Variants in ARHGAP32 observed in about 807,000 individuals in gnomAD.
The protein encoded by ARHGAP32 is Rho GTPase activating protein 32, also known as rho GTPase-activating protein 32.
ARHGAP32 carries 51 observed loss-of-function variants against 186.5 expected under a neutral mutation model. That is an observed-to-expected ratio of 0.27 (90% CI 0.22 to 0.35). The LOEUF (loss-of-function observed/expected upper bound fraction) is 0.35. Among genes scored for constraint, ARHGAP32 ranks in the 10% least tolerant of loss-of-function variants. The pLI is 1.00. For synonymous variants in ARHGAP32, 950 were observed against 964.3 expected (o/e 0.99, Z 0.27); for missense variants, 2,186 against 2,623.5 (o/e 0.83, Z 3.64).
At chr11:129,177,716 G>GGCAGAATTTT (rs1943951874) in intron 1 of ARHGAP32, among the ~76,000 whole-genome samples, 5 of 152,058 alleles carry the variant, frequency 3.3e-5, no homozygotes, top group Admixed American at 2.0e-4. Flanking sequence ...ATGCAGAAAA[G>GGCAGAATTTT]GCCTTTGACA....
At chr11:129,143,623 C>CACAAACTAGATGTTTATTTTGA (rs1313587610) in intron 2 of ARHGAP32, among the ~76,000 whole-genome samples, 8 of 151,986 alleles carry the variant, frequency 5.3e-5, no homozygotes, top group South Asian at 2.1e-4. Flanking sequence ...ATAATAGCCC[C>CACAAACTAGATGTTTATTTTGA]AAAGCACAAG....
In ARHGAP32 at chr11:128,991,237, T is replaced by C. The variant is rs924179550; in HGVS notation, c.1196-3112A>G. 2.6e-5 allele frequency among the ~76,000 whole-genome samples: 4 copies of C among 152,172 alleles called. No individual in the cohort carries two copies. In the East Asian group the frequency reaches 5.8e-4, roughly 22 times the overall value. ...CACACGTAATACTTCATGGCAAGCA[T>C]CTGAATCGTTTTCTTATATTTTGTG... is the stretch of plus-strand genomic sequence containing the variant. On this transcript the variant is annotated intron_variant, in intron 12 of 22. Coordinates refer to ENST00000682385, the MANE Select transcript of ARHGAP32 (RefSeq NM_001378024.1).
intron 1 of ARHGAP32, among the ~76,000 whole-genome samples, chr11:129,174,586 T>C (rs1796628540): frequency 6.6e-6 from 1 of 152,188 alleles, no homozygotes. Flanking sequence ...AGCACGCAGC[T>C]GGAGATCTGA....
chr11:129,275,703 G>C (rs1447298107), intron 1 of ARHGAP32, among the ~76,000 whole-genome samples: 1 of 152,124 alleles, frequency 6.6e-6, no homozygotes, highest in Non-Finnish European at 1.5e-5. Flanking sequence ...ACAGACCCAA[G>C]AATGAACGAC....
At position 128,974,939 on chromosome 11, in the gene ARHGAP32, A is replaced by C; in HGVS notation, c.2258T>G (p.Phe753Cys). Reference protein sequence around the residue: ...RSSSDALSASFNGEMLGNRCN... With the variant: ...RSSSDALSASCNGEMLGNRCN... ...GCGGTTCCCCAGCATTTCTCCATTA[A>C]AAGAGGCAGACAGTGCATCACTGGA... The change falls in exon 21 of 23, where the codon TTT (phenylalanine) becomes TGT (cysteine). Residue 753 changes from phenylalanine to cysteine, a missense_variant. By Grantham distance (205) the Phe-to-Cys change is radical (BLOSUM62 -2). Transcript: ENST00000682385. The C allele has an allele frequency of 6.2e-7, 1 of 1,614,022 alleles. No homozygotes were observed. The highest frequency in any genetic ancestry group is 8.5e-7 in the Non-Finnish European group (1 of 1,179,950).
intron 11 of ARHGAP32, among the ~76,000 whole-genome samples, chr11:129,021,467 G>GAGGA (rs1430713702): frequency 6.6e-6 from 1 of 151,992 alleles, no homozygotes; most frequent in Non-Finnish European, 1.5e-5. Context: ...GCCCTTCCTA[G>GAGGA]AGGAGTACAC....
intron 1 of ARHGAP32, among the ~76,000 whole-genome samples, chr11:129,272,776 C>T (rs1945487869): frequency 6.6e-6 from 1 of 152,204 alleles, no homozygotes; most frequent in Non-Finnish European, 1.5e-5. Flanking sequence ...GAAATGAGAT[C>T]CAGGCACAAA....
At chr11:129,213,309 TACTC>T (rs1363662010) in intron 1 of ARHGAP32, among the ~76,000 whole-genome samples, 10 of 152,036 alleles carry the variant, frequency 6.6e-5, no homozygotes, top group African/African-American at 2.2e-4. Context: ...ACCAGAAAAA[TACTC>T]AGGAGGTATT....
At chr11:129,045,502 T>C (rs1461689850) in intron 10 of ARHGAP32, among the ~76,000 whole-genome samples, 2 of 152,220 alleles carry the variant, frequency 1.3e-5, no homozygotes, top group Non-Finnish European at 2.9e-5. Context: ...ATTTTCATGA[T>C]AAAAAATTGT....
At chr11:129,138,115 C>G (rs1053426986) in intron 2 of ARHGAP32, among the ~76,000 whole-genome samples, 1 of 151,820 alleles carries the variant, frequency 6.6e-6, no homozygotes, top group African/African-American at 2.4e-5. Context: ...GCTGCCAAGA[C>G]AAACCAAATG....
intron 11 of ARHGAP32, among the ~76,000 whole-genome samples, chr11:129,000,350 A>G (rs1018277020): frequency 6.6e-5 from 10 of 152,366 alleles, no homozygotes; most frequent in Non-Finnish European, 1.3e-4. Flanking sequence ...TAATTATGCT[A>G]AAAGTCAACA....
chr11:129,193,571 T>TATATATATATTATATATA (rs1207552854), upstream of ARHGAP32, among the ~76,000 whole-genome samples: 226 of 12,286 alleles, frequency 0.018, 8 homozygotes, highest in Admixed American at 0.031. Context: ...TTATATATAA[T>TATATATATATTATATATA]ATATATATAT....
chr11:128,996,859 G>A (rs1409449897), intron 12 of ARHGAP32, among the ~76,000 whole-genome samples: 3 of 151,674 alleles, frequency 2.0e-5, no homozygotes, highest in East Asian at 1.9e-4. Context: ...TCAGCTTACC[G>A]ACCCCCACCT....
intron 6 of ARHGAP32, among the ~76,000 whole-genome samples, chr11:129,088,591 A>G (rs1941479234): frequency 6.6e-6 from 1 of 152,184 alleles, no homozygotes; most frequent in Non-Finnish European, 1.5e-5. Context: ...TCAATCAATC[A>G]ATCAATAAAA....
intron 11 of ARHGAP32, among the ~76,000 whole-genome samples, chr11:129,026,991 C>T (rs1421322666): frequency 6.7e-6 from 1 of 148,956 alleles, no homozygotes; most frequent in African/African-American, 2.5e-5. Flanking sequence ...CCCAGCTACT[C>T]GGGAGGCTGA....
intron 6 of ARHGAP32, among the ~76,000 whole-genome samples, chr11:129,075,000 A>C (rs569145967): frequency 6.6e-6 from 1 of 152,332 alleles, no homozygotes; most frequent in Admixed American, 6.5e-5. Flanking sequence ...ATCACATTCT[A>C]CACCTTAAAT....
intron 2 of ARHGAP32, among the ~76,000 whole-genome samples, chr11:129,132,720 T>A (rs1328869828): frequency 6.6e-6 from 1 of 152,058 alleles, no homozygotes; most frequent in Non-Finnish European, 1.5e-5. Context: ...ACCAGACAAA[T>A]ATGAGCTATT....
intron 1 of ARHGAP32, among the ~76,000 whole-genome samples, chr11:129,273,940 A>G (rs1308657801): frequency 6.6e-6 from 1 of 151,946 alleles, no homozygotes; most frequent in Non-Finnish European, 1.5e-5. Context: ...AATGCTTTCC[A>G]TCTCCACAGC....
At chr11:129,000,048 C>T (rs1289132824) in intron 11 of ARHGAP32, among the ~76,000 whole-genome samples, 1 of 152,130 alleles carries the variant, frequency 6.6e-6, no homozygotes, top group Non-Finnish European at 1.5e-5. Context: ...AAAGAAAACT[C>T]TTTCTCATTT....
Sources: gnomAD v4.1 joint callset for allele counts (sites outside exome capture counted in the v4.1 genomes callset) on GRCh38, gnomAD v4.1.1 for gene constraint, MANE v1.5 for transcripts, NCBI Gene and HGNC (gene_info 2026-07-23, HGNC 2026-07-21) for gene names.